FOXF2: variants seen among roughly 807,000 people sequenced by gnomAD.
FOXF2 encodes the protein forkhead box protein F2.
FOXF2 carries 15 observed loss-of-function variants against 29.1 expected under a neutral mutation model. The observed-to-expected ratio is 0.52, with a 90% CI of 0.35 to 0.79. FOXF2 has a LOEUF of 0.79. Ranked by LOEUF, FOXF2 falls within the 30% of genes least tolerant of loss-of-function variation. The pLI is 0.01. For missense variants in FOXF2, 675 were observed against 667.1 expected (o/e 1.01, Z -0.13); for synonymous variants, 337 against 316.5 (o/e 1.06, Z -0.69).
In FOXF2 at chr6:1,390,165, G is replaced by A; in HGVS notation, c.218G>A (p.Cys73Tyr). The change falls in exon 1 of 2, where the codon TGC (cysteine) becomes TAC (tyrosine). Residue 73 changes from cysteine to tyrosine, a missense_variant. By Grantham distance (194) the Cys-to-Tyr change is radical (BLOSUM62 -2). This residue lies in a region of FOXF2 where 220 missense variants were observed against 205.5 expected (regional missense o/e 1.07). Coordinates refer to ENST00000645481, the MANE Select transcript of FOXF2 (RefSeq NM_001452.2). The surrounding 1 kb of genome is among the most constrained non-coding windows in gnomAD (Gnocchi z 8.5). ...TCGGCCAGCGCCCCCTCGGCTGCCTGCAAGAGCGCGGGCGGCGGCGGCGCG... is the reference window on the plus strand; with the variant it reads ...TCGGCCAGCGCCCCCTCGGCTGCCTACAAGAGCGCGGGCGGCGGCGGCGCG... ...SNSASAPSAA[C>Y]KSAGGGGAGA... The A allele has an allele frequency of 6.8e-7, 1 of 1,465,790 alleles. No homozygotes were observed. The highest frequency in any genetic ancestry group is 9.0e-7 in the Non-Finnish European group (1 of 1,105,216). The allele number at this position is 1,465,790 out of a possible 1,614,324, so 90.8% of individuals were successfully genotyped here.
chr6:1,392,130 A>T (rs970925140), intron 1 of FOXF2, among the ~76,000 whole-genome samples: 9 of 152,144 alleles, frequency 5.9e-5, no homozygotes, highest in Non-Finnish European at 1.2e-4. Flanking sequence ...TTGGAGGGTG[A>T]TGCATGCTTT....
At position 1,394,941 on chromosome 6, in the gene FOXF2, AC is replaced by A. The variant is rs1758874099; in HGVS notation, c.*83del. On this transcript the variant is annotated 3_prime_UTR_variant, in exon 2 of 2. Transcript: ENST00000645481. The stretch of plus-strand genomic sequence containing the variant: ...ATAGAAACTGGGACGGATTCAAGTC[AC>A]ATGCACGCGGATAGCAGTAAGCCAC... 5 of 1,420,520 alleles carry A rather than the reference AC, an allele frequency of 3.5e-6. No individual in the cohort carries two copies. Among genetic ancestry groups the A allele is most frequent in the Non-Finnish European group, 5.0e-6 (5 of 1,008,688 alleles). 88.0% of individuals were successfully genotyped at this position (1,420,520 alleles called of 1,614,324 possible).
At chr6:1,392,110 A>G (rs1258479836) in intron 1 of FOXF2, among the ~76,000 whole-genome samples, 1 of 152,182 alleles carries the variant, frequency 6.6e-6, no homozygotes, top group African/African-American at 2.4e-5. Context: ...CACAGCAATG[A>G]GACAGTGGCT....
chr6:1,390,490 G>A lies in FOXF2; in HGVS notation c.543G>A (p.Glu181=). 1 of 1,611,886 alleles carries A rather than the reference G, an allele frequency of 6.2e-7. No homozygotes were observed. Among genetic ancestry groups the A allele is most frequent in the Non-Finnish European group, 8.5e-7 (1 of 1,179,844 alleles). Residue 181 remains glutamate, a synonymous_variant, in exon 1 of 2, where the codon GAG becomes GAA. Coordinates refer to ENST00000645481, the MANE Select transcript of FOXF2 (RefSeq NM_001452.2). This position sits in a 1 kb window ranked among gnomAD's most constrained non-coding sequence, Gnocchi z 8.5. ...ACTGGACCATCGACCCGGCCAGCGA[G>A]TTCATGTTCGAGGAGGGCTCGTTCC... ...GHYWTIDPAS[E]FMFEEGSFRR...
chr6:1,393,609 C>T (rs368789608), intron 1 of FOXF2, among the ~76,000 whole-genome samples: 4 of 152,062 alleles, frequency 2.6e-5, no homozygotes, highest in Non-Finnish European at 4.4e-5. Flanking sequence ...GGGGACACGG[C>T]GGGGCTGAGG....
Position 1,390,210 on chromosome 6 carries a change from C to A in FOXF2, c.263C>A (p.Ala88Asp). The A allele has an allele frequency of 6.5e-7, 1 of 1,544,868 alleles. No homozygotes were observed. Reference sequence around the variant, plus strand: ...GGCGCGGGCGCCGGGAGCGGGGGCGCCAAGAAGGCGAGCTCGGGGCTGCGG... The same window carrying A: ...GGCGCGGGCGCCGGGAGCGGGGGCGACAAGAAGGCGAGCTCGGGGCTGCGG... ...GGGAGAGSGG[A>D]KKASSGLRRP... The change falls in exon 1 of 2, where the codon GCC becomes GAC. Residue 88 changes from alanine (A) to aspartate (D), a missense_variant. Transcript: ENST00000645481. This position sits in a 1 kb window ranked among gnomAD's most constrained non-coding sequence, Gnocchi z 8.5.
Position 1,392,154 on chromosome 6 carries a change from C to T in FOXF2, c.1171+1036C>T, listed in dbSNP as rs926773078. Among the ~76,000 whole-genome samples the T allele has an allele frequency of 3.0e-4, 45 of 152,064 alleles. 1 individual carries two copies. The highest frequency in any genetic ancestry group is 1.3e-4 in the Non-Finnish European group (9 of 68,010). On this transcript the variant is annotated intron_variant, in intron 1 of 1. Transcript: ENST00000645481. ...GATGCATGCTTTATGTGTTCCTGAG[C>T]CGGTGTGCAGCGGGAGCACCCGGGG...
chr6:1,393,759 C>T (rs1003260983), intron 1 of FOXF2, among the ~76,000 whole-genome samples: 2 of 152,262 alleles, frequency 1.3e-5, no homozygotes, highest in South Asian at 4.1e-4. Context: ...GCGAATGGAC[C>T]TAACGCAGCC....
At position 1,390,127 on chromosome 6, in the gene FOXF2, GTCCTCC is replaced by G. The variant is rs1035289380; in HGVS notation, c.184_189del (p.Ser62_Ser63del). The G allele has an allele frequency of 6.3e-5, 91 of 1,446,276 alleles. No homozygotes were observed. The highest frequency in any genetic ancestry group is 2.2e-4 in the Middle Eastern group (1 of 4,594). 89.6% of individuals were successfully genotyped at this position (1,446,276 alleles called of 1,614,324 possible). The stretch of plus-strand genomic sequence containing the variant: ...CCTCCGCCTCCTGCGCCTCGTCCTC[GTCCTCC>G]TCCAATTCGGCCAGCGCCCCCTCGG... On this transcript the variant is annotated inframe_deletion, in exon 1 of 2. Coordinates refer to ENST00000645481, the MANE Select transcript of FOXF2 (RefSeq NM_001452.2). The surrounding 1 kb of genome is among the most constrained non-coding windows in gnomAD (Gnocchi z 8.5).
At position 1,394,701 on chromosome 6, in the gene FOXF2, C is replaced by G. The variant is rs747690002; in HGVS notation, c.1177C>G (p.Leu393Val). 1 of 1,613,920 alleles carries G rather than the reference C, an allele frequency of 6.2e-7. No homozygotes were observed. Among genetic ancestry groups the G allele is most frequent in the Non-Finnish European group, 8.5e-7 (1 of 1,179,986 alleles). ...QNAREDLSVG[L>V]PRYQHHSTPV... ...TTTTTTCTTTCTTCTTTCAGTGGGA[C>G]TGCCCCGTTACCAGCATCACTCTAC... is the stretch of plus-strand genomic sequence containing the variant. The change falls in exon 2 of 2, where the codon CTG becomes GTG. Residue 393 changes from leucine (L) to valine (V), a missense_variant. Physicochemically the swap from Leu to Val is conservative, Grantham distance 32. Transcript: ENST00000645481.
Position 1,390,300 on chromosome 6 carries a change from G to A in FOXF2, c.353G>A (p.Ser118Asn). The A allele has an allele frequency of 6.2e-7, 1 of 1,612,910 alleles. No individual in the cohort carries two copies. The highest frequency in any genetic ancestry group is 8.5e-7 in the Non-Finnish European group (1 of 1,179,846). The change falls in exon 1 of 2, where the codon AGC becomes AAC. Residue 118 changes from serine (S) to asparagine (N), a missense_variant. Coordinates refer to ENST00000645481, the MANE Select transcript of FOXF2 (RefSeq NM_001452.2). This position sits in a 1 kb window ranked among gnomAD's most constrained non-coding sequence, Gnocchi z 8.5. ...GTCATGGCCATCCAGAGCTCGCCCA[G>A]CAAGCGCCTGACGCTCAGCGAGATC... ...LIVMAIQSSP[S>N]KRLTLSEIYQ...
intron 1 of FOXF2, among the ~76,000 whole-genome samples, chr6:1,392,917 A>G (rs1447382707): frequency 6.6e-6 from 1 of 151,996 alleles, no homozygotes; most frequent in African/African-American, 2.4e-5. Flanking sequence ...CCCGACAGGG[A>G]CCCTCTGCCC....
chr6:1,391,302 C>T (rs775210484), intron 1 of FOXF2, among the ~76,000 whole-genome samples, 184 bp downstream of exon 1: 1 of 152,232 alleles, frequency 6.6e-6, no homozygotes, highest in Non-Finnish European at 1.5e-5. Flanking sequence ...GTCTTACTGT[C>T]CTCCCAGTAT....
At position 1,394,948 on chromosome 6, in the gene FOXF2, C is replaced by T. The variant is rs190280878; in HGVS notation, c.*89C>T. The T allele has an allele frequency of 7.9e-5, 107 of 1,354,982 alleles. No individual in the cohort carries two copies. In the African/African-American group the frequency reaches 1.2e-3, roughly 15 times the overall value. The allele number at this position is 1,354,982 out of a possible 1,614,324, so 83.9% of individuals were successfully genotyped here. On this transcript the variant is annotated 3_prime_UTR_variant, in exon 2 of 2. Coordinates refer to ENST00000645481, the MANE Select transcript of FOXF2 (RefSeq NM_001452.2). ...CTGGGACGGATTCAAGTCACATGCA[C>T]GCGGATAGCAGTAAGCCACACACCT... is the stretch of plus-strand genomic sequence containing the variant.
chr6:1,394,815 C>G lies in FOXF2; in HGVS notation c.1291C>G (p.His431Asp). The part of the protein sequence containing the change: ...PSASGSYYHH[H>D]HQSVCQDIKP... ...AGCTAGCGGGTCGTATTATCACCAT[C>G]ACCACCAGAGCGTCTGTCAGGATAT... Residue 431 changes from histidine (H) to aspartate (D), a missense_variant, in exon 2 of 2, where the codon CAC becomes GAC. Coordinates refer to ENST00000645481, the MANE Select transcript of FOXF2 (RefSeq NM_001452.2). 6.2e-7 allele frequency: 1 copy of G among 1,614,162 alleles called. No individual in the cohort carries two copies. Among genetic ancestry groups the G allele is most frequent in the Middle Eastern group, 1.6e-4 (1 of 6,062 alleles).
chr6:1,391,616 GC>G (rs780279645), intron 1 of FOXF2, among the ~76,000 whole-genome samples: 3 of 152,166 alleles, frequency 2.0e-5, no homozygotes, highest in Non-Finnish European at 4.4e-5. Flanking sequence ...TTGCAGCTGG[GC>G]AAGTGTTAAG....
At position 1,390,738 on chromosome 6, in the gene FOXF2, A is replaced by T; in HGVS notation, c.791A>T (p.His264Leu). Residue 264 changes from histidine to leucine, a missense_variant, in exon 1 of 2, where the codon CAC becomes CTC. Transcript: ENST00000645481. This position sits in a 1 kb window ranked among gnomAD's most constrained non-coding sequence, Gnocchi z 8.5. ...GGCGCGGGCGCCCCCAGCCACGCGC[A>T]CCCTCACCACCACCACCACCACCAC... ...DAGAGAPSHAHPHHHHHHHVP... is the reference protein window; with the variant it reads ...DAGAGAPSHALPHHHHHHHVP... 1 of 1,421,518 alleles carries T rather than the reference A, an allele frequency of 7.0e-7. No homozygotes were observed. The highest frequency in any genetic ancestry group is 9.1e-7 in the Non-Finnish European group (1 of 1,100,136). 88.1% of individuals were successfully genotyped at this position (1,421,518 alleles called of 1,614,324 possible). A position where few individuals can be genotyped will look rare whatever the true frequency, so the allele number is the denominator to read the frequency against.
chr6:1,390,674 T>C lies in FOXF2; in HGVS notation c.727T>C (p.Tyr243His). ...APLGCHSQGG[Y>H]GGLDMMPAGY... ...GCTCGGCTGCCACAGCCAGGGCGGC[T>C]ACGGCGGCCTCGACATGATGCCCGC... The change falls in exon 1 of 2, where the codon TAC (tyrosine) becomes CAC (histidine). Residue 243 changes from tyrosine to histidine, a missense_variant. By Grantham distance (83) the Tyr-to-His change is moderately conservative. Around this residue, in one of 3 missense-constraint regions of FOXF2, gnomAD observed 451 missense variants for 437.2 expected, o/e 1.03. Transcript: ENST00000645481. This position sits in a 1 kb window ranked among gnomAD's most constrained non-coding sequence, Gnocchi z 8.5. The C allele has an allele frequency of 1.3e-6, 2 of 1,536,538 alleles. No homozygotes were observed.
intron 1 of FOXF2, among the ~76,000 whole-genome samples, chr6:1,392,282 G>A (rs1424041304): frequency 1.3e-5 from 2 of 152,176 alleles, no homozygotes; most frequent in African/African-American, 4.8e-5. Context: ...ACCAAACAAA[G>A]ACAGTCTCGG....
Sources: allele counts gnomAD v4.1 joint callset (sites outside exome capture counted in the v4.1 genomes callset), GRCh38; gene constraint gnomAD v4.1.1; regional missense constraint gnomAD v4.1.1; non-coding constraint Gnocchi (gnomAD v3.1); transcripts MANE v1.5; gene names NCBI Gene and HGNC (gene_info 2026-07-23, HGNC 2026-07-21).